The following MPP7 variants were observed in gnomAD, a reference collection of about 807,000 sequenced individuals.
MPP7 encodes MAGUK p55 scaffold protein 7.
A neutral mutation model predicts 76.5 loss-of-function variants in MPP7; 60 were observed. That is an observed-to-expected ratio of 0.78 (90% CI 0.64 to 0.97). The LOEUF is 0.97. Ranked by LOEUF, MPP7 falls within the 50% of genes least tolerant of loss-of-function variation. MPP7 has a pLI of 0.00. For missense variants in MPP7, 641 were observed against 694.0 expected (o/e 0.92, Z 0.86); for synonymous variants, 237 against 244.5 (o/e 0.97, Z 0.29).
chr10:28,265,310 A>G (rs1258236017), intron 1 of MPP7, among the ~76,000 whole-genome samples: 2 of 152,166 alleles, frequency 1.3e-5, no homozygotes, highest in Admixed American at 1.3e-4. Context: ...TGTAATCCCA[A>G]CACTTTGGGA....
At chr10:28,082,675 C>T (rs1852819594) in intron 12 of MPP7, among the ~76,000 whole-genome samples, 1 of 152,072 alleles carries the variant, frequency 6.6e-6, no homozygotes, top group Non-Finnish European at 1.5e-5. Context: ...CACTATGTTG[C>T]CCAGACTGGG....
chr10:28,067,567 G>T (rs1852041324), intron 13 of MPP7, among the ~76,000 whole-genome samples: 1 of 152,006 alleles, frequency 6.6e-6, no homozygotes. Flanking sequence ...ACTACTTTGG[G>T]GATTTCTTTG....
intron 1 of MPP7, among the ~76,000 whole-genome samples, chr10:28,256,843 C>G (rs1839802224): frequency 6.6e-6 from 1 of 152,206 alleles, no homozygotes; most frequent in African/African-American, 2.4e-5. Flanking sequence ...CTCCATTAGA[C>G]TATAAATTCC....
At chr10:28,306,746 A>G (rs1391264244), upstream of MPP7, among the ~76,000 whole-genome samples, 2 of 152,162 alleles carry the variant, frequency 1.3e-5, no homozygotes, top group African/African-American at 4.8e-5. Flanking sequence ...TAGATAGATA[A>G]TAGATCGTTG....
chr10:28,309,121 A>T (rs903711802), intron 2 of MPP7, among the ~76,000 whole-genome samples: 1 of 152,106 alleles, frequency 6.6e-6, no homozygotes, highest in East Asian at 1.9e-4. Flanking sequence ...AGGAAACAGA[A>T]CTCTGAATCT....
chr10:28,099,751 G>A (rs1347739517), intron 11 of MPP7, among the ~76,000 whole-genome samples: 1 of 151,930 alleles, frequency 6.6e-6, no homozygotes, highest in African/African-American at 2.4e-5. Flanking sequence ...AGGTTGTGGT[G>A]AGCCAAGATC....
chr10:28,097,382 G>C (rs568094849), intron 11 of MPP7, among the ~76,000 whole-genome samples: 1 of 152,192 alleles, frequency 6.6e-6, no homozygotes, highest in South Asian at 2.1e-4. Flanking sequence ...GTTGATATTT[G>C]TCGGGCACAT....
chr10:28,238,362 C>T (rs1262261426), intron 2 of MPP7, among the ~76,000 whole-genome samples: 1 of 152,166 alleles, frequency 6.6e-6, no homozygotes, highest in Non-Finnish European at 1.5e-5. Flanking sequence ...CACATGCCAT[C>T]ACTACCCAGA....
rs373160673 is a variant in MPP7 at position 28,077,541 on chromosome 10, C to G, written c.1124-7689G>C. ...CACAGCTCAGATGCACCATCCTGTC[C>G]CGTATCCTCTTTCTAGGGTTAGGCC... On this transcript the variant is annotated intron_variant, in intron 12 of 16. Transcript: ENST00000683449. 1.4e-4 allele frequency among the ~76,000 whole-genome samples: 21 copies of G among 152,250 alleles called. No individual in the cohort carries two copies. The East Asian group carries it at 2.1e-3, about 15-fold the overall frequency.
At chr10:28,292,782 A>C (rs1840949940) in intron 1 of MPP7, among the ~76,000 whole-genome samples, 1 of 152,236 alleles carries the variant, frequency 6.6e-6, no homozygotes, top group Non-Finnish European at 1.5e-5. Context: ...CCACTGTGAA[A>C]TTAGAACAGA....
At chr10:28,311,759 T>TAC (rs112717112) in intron 2 of MPP7, among the ~76,000 whole-genome samples, 13,732 of 148,604 alleles carry the variant, frequency 0.092, 1,038 homozygotes, top group African/African-American at 0.21. Context: ...GATGTGTTAA[T>TAC]ACACACACAC....
Position 28,238,473 on chromosome 10 carries a change from G to C in MPP7, c.37+95C>G, listed in dbSNP as rs1839152905. On this transcript the variant is annotated intron_variant, in intron 2 of 16. Transcript: ENST00000683449. ...GTGTTGGTGACAGAAAAACAAGCAT[G>C]ATCTGCCTGCATTTGCTTAAAGCAT... The C allele has an allele frequency of 2.4e-5, 31 of 1,317,498 alleles. No individual in the cohort carries two copies. In the South Asian group the frequency reaches 3.3e-4, roughly 14 times the overall value. The allele number at this position is 1,317,498 out of a possible 1,614,324, so 81.6% of individuals were successfully genotyped here.
chr10:28,253,321 A>T (rs1839676706), intron 1 of MPP7, among the ~76,000 whole-genome samples: 1 of 152,108 alleles, frequency 6.6e-6, no homozygotes, highest in Non-Finnish European at 1.5e-5. Context: ...TGAGCTGGGG[A>T]GTTTAAGACT....
At chr10:28,087,405 CT>C (rs1305165850) in intron 12 of MPP7, among the ~76,000 whole-genome samples, 3 of 151,600 alleles carry the variant, frequency 2.0e-5, no homozygotes, top group Admixed American at 6.6e-5. Context: ...TTCTTTCTTT[CT>C]TTTTTTAATT....
intron 3 of MPP7, among the ~76,000 whole-genome samples, chr10:28,169,324 C>T (rs1836597527): frequency 7.1e-6 from 1 of 141,260 alleles, no homozygotes; most frequent in Non-Finnish European, 1.5e-5. Context: ...GACCCTGTCT[C>T]TTAAAAAAAA....
At chr10:28,199,879 A>AACAC (rs3064104) in intron 3 of MPP7, among the ~76,000 whole-genome samples, 2,076 of 148,944 alleles carry the variant, frequency 0.014, 35 homozygotes, top group African/African-American at 0.046. Flanking sequence ...AGCCCATTTA[A>AACAC]ACACACACAC....
intron 11 of MPP7, among the ~76,000 whole-genome samples, chr10:28,115,600 A>G (rs930031659): frequency 6.6e-6 from 1 of 152,218 alleles, no homozygotes; most frequent in African/African-American, 2.4e-5. Context: ...AGCTTACTCA[A>G]CTTGAAAAGC....
intron 1 of MPP7, among the ~76,000 whole-genome samples, chr10:28,277,665 C>T (rs909734091): frequency 6.6e-6 from 1 of 152,112 alleles, no homozygotes; most frequent in African/African-American, 2.4e-5. Flanking sequence ...TAACAGGGTA[C>T]GGGGTAAACC....
intron 1 of MPP7, among the ~76,000 whole-genome samples, chr10:28,296,310 A>G (rs1379324070): frequency 6.6e-6 from 1 of 152,072 alleles, no homozygotes; most frequent in African/African-American, 2.4e-5. Context: ...CTCTCTCCCA[A>G]ATCTCCACCA....
Sources: allele counts gnomAD v4.1 joint callset (sites outside exome capture counted in the v4.1 genomes callset), GRCh38; gene constraint gnomAD v4.1.1; transcripts MANE v1.5; gene names NCBI Gene and HGNC (gene_info 2026-07-23, HGNC 2026-07-21).